The following SND1 variants were observed in gnomAD, a reference collection of about 807,000 sequenced individuals.
The protein encoded by SND1 is staphylococcal nuclease domain-containing protein 1.
Under a neutral mutation model 121.7 loss-of-function variants are expected in SND1, and 38 were observed. The ratio of observed to expected loss-of-function variants is 0.31; its 90% CI spans 0.24 to 0.41. The LOEUF (loss-of-function observed/expected upper bound fraction) is 0.41, where lower values mean the gene tolerates loss of function less well. SND1 is among the 10% of genes least tolerant of loss of function. The pLI, the probability that SND1 is intolerant of heterozygous loss-of-function variation, is 1.00. For missense variants in SND1, 868 were observed against 1,184.6 expected (o/e 0.73, Z 3.92); for synonymous variants, 401 against 447.4 (o/e 0.90, Z 1.31).
At chr7:127,813,471 C>G (rs1159073753) in intron 11 of SND1, among the ~76,000 whole-genome samples, 1 of 152,098 alleles carries the variant, frequency 6.6e-6, no homozygotes, top group Non-Finnish European at 1.5e-5. Context: ...CCTGCAGACT[C>G]TGAAAAGTAC....
intron 15 of SND1, among the ~76,000 whole-genome samples, chr7:127,967,064 T>A (rs1801869261): frequency 6.6e-6 from 1 of 152,172 alleles, no homozygotes; most frequent in Admixed American, 6.5e-5. Context: ...CCAAATCCTG[T>A]AGCACCCTTC....
chr7:127,809,234 A>G (rs1229529263), intron 11 of SND1, among the ~76,000 whole-genome samples: 3 of 152,192 alleles, frequency 2.0e-5, no homozygotes, highest in African/African-American at 7.2e-5. Flanking sequence ...TTGGTGAGAG[A>G]AGCCTCCTTT....
chr7:128,087,079 A>AG (rs760977666), intron 21 of SND1, 28 bp downstream of exon 21: 1 of 1,567,906 alleles, frequency 6.4e-7, no homozygotes. Flanking sequence ...CTCCTTCCAA[A>AG]GGGGACTATC....
chr7:127,652,531 T>A, intron 1 of SND1, 80 bp downstream of exon 1: 2 of 1,187,712 alleles, frequency 1.7e-6, no homozygotes, highest in East Asian at 2.6e-5. Context: ...TCCGCCAGCC[T>A]GCTCCATGTC....
rs769808439 is a variant in SND1 at position 127,888,040 on chromosome 7, G to C, written c.1454+28G>C. On this transcript the variant is annotated intron_variant, in intron 13 of 23. Coordinates refer to ENST00000354725, the MANE Select transcript of SND1 (RefSeq NM_014390.4). ...AAGACCAAACATTACTAAACACATGGGGAACCCACACCCTCACTTTTTTCT... is the reference window on the plus strand; with the variant it reads ...AAGACCAAACATTACTAAACACATGCGGAACCCACACCCTCACTTTTTTCT... 3.3e-6 allele frequency: 5 copies of C among 1,507,044 alleles called. No homozygotes were observed. In the Admixed American group the frequency reaches 6.8e-5, roughly 20 times the overall value. 93.4% of individuals were successfully genotyped at this position (1,507,044 alleles called of 1,614,324 possible).
At chr7:128,041,468 A>G (rs908416993) in intron 16 of SND1, among the ~76,000 whole-genome samples, 12 of 152,126 alleles carry the variant, frequency 7.9e-5, no homozygotes, top group African/African-American at 2.7e-4. Flanking sequence ...TTCAGGAGTT[A>G]GATCTATCAA....
intron 11 of SND1, among the ~76,000 whole-genome samples, chr7:127,818,875 G>C (rs1798495950): frequency 6.6e-6 from 1 of 152,354 alleles, no homozygotes; most frequent in African/African-American, 2.4e-5. Flanking sequence ...GAGGTGACCT[G>C]GTCTTTGATT....
chr7:127,889,198 TGG>T (rs1799964356), intron 13 of SND1, among the ~76,000 whole-genome samples: 2 of 152,054 alleles, frequency 1.3e-5, no homozygotes, highest in Non-Finnish European at 2.9e-5. Flanking sequence ...AGCTCATTAA[TGG>T]TCATTTAAAA....
intron 10 of SND1, among the ~76,000 whole-genome samples, chr7:127,760,764 G>A (rs1797291363): frequency 1.3e-5 from 2 of 151,980 alleles, no homozygotes; most frequent in African/African-American, 4.8e-5. Flanking sequence ...TAGCCCTTTG[G>A]TATTAGCTTT....
chr7:127,716,892 G>A (rs764373848), intron 9 of SND1, among the ~76,000 whole-genome samples: 21 of 152,210 alleles, frequency 1.4e-4, no homozygotes, highest in Admixed American at 3.3e-4. Context: ...CAGTTGGAAA[G>A]GAAGTTCTGG....
intron 16 of SND1, among the ~76,000 whole-genome samples, chr7:128,011,287 G>A (rs1363130590): frequency 6.6e-6 from 1 of 152,224 alleles, no homozygotes; most frequent in East Asian, 1.9e-4. Flanking sequence ...TGAGGGCCCT[G>A]TGAGCTGCCC....
chr7:127,831,543 C>G (rs770827545), intron 11 of SND1, among the ~76,000 whole-genome samples: 46 of 152,160 alleles, frequency 3.0e-4, no homozygotes, highest in Non-Finnish European at 5.9e-4. Flanking sequence ...GCCATGGCAA[C>G]AGTACACCAC....
At chr7:127,791,119 A>C (rs900143847) in intron 10 of SND1, among the ~76,000 whole-genome samples, 1 of 151,326 alleles carries the variant, frequency 6.6e-6, no homozygotes, top group Admixed American at 6.6e-5. Context: ...CAGAGTATTG[A>C]ATGAAATGAG....
rs761750807 is a variant in SND1, at chr7:127,991,065, T to C, written c.1779+9T>C. The C allele has an allele frequency of 1.9e-6, 3 of 1,601,460 alleles. No homozygotes were observed. Among genetic ancestry groups the C allele is most frequent in the Admixed American group, 1.7e-5 (1 of 59,778 alleles). On this transcript the variant is annotated intron_variant, in intron 16 of 23. Coordinates refer to ENST00000354725, the MANE Select transcript of SND1 (RefSeq NM_014390.4). ...TGGTGCTGCAGCGAGAGGTAGGACATCTTCCTGTTGCTTCTTCTGTGAGGA... is the reference window on the plus strand; with the variant it reads ...TGGTGCTGCAGCGAGAGGTAGGACACCTTCCTGTTGCTTCTTCTGTGAGGA...
chr7:127,737,992 T>A (rs1796808367), intron 10 of SND1, among the ~76,000 whole-genome samples: 1 of 152,202 alleles, frequency 6.6e-6, no homozygotes. Flanking sequence ...ATATTCTGGT[T>A]TGATGCCTGG....
intron 9 of SND1, among the ~76,000 whole-genome samples, chr7:127,715,189 C>T (rs1432221342): frequency 1.3e-5 from 2 of 150,588 alleles, no homozygotes; most frequent in Non-Finnish European, 2.9e-5. Context: ...AGTGGCCGCC[C>T]TAATAGGTGT....
At chr7:127,664,079 G>A (rs1022757191) in intron 1 of SND1, among the ~76,000 whole-genome samples, 1 of 152,192 alleles carries the variant, frequency 6.6e-6, no homozygotes, top group Non-Finnish European at 1.5e-5. Context: ...AGGCTGGAGT[G>A]CAGTGGTGCG....
chr7:127,662,890 C>CTT (rs34629378), intron 1 of SND1, among the ~76,000 whole-genome samples: 44 of 122,496 alleles, frequency 3.6e-4, no homozygotes, highest in South Asian at 1.0e-3. Context: ...CCTCTTTTAT[C>CTT]TTTTTTTTTT....
chr7:127,666,125 C>T (rs1039694946), intron 1 of SND1, among the ~76,000 whole-genome samples: 1 of 152,194 alleles, frequency 6.6e-6, no homozygotes, highest in African/African-American at 2.4e-5. Flanking sequence ...TTAGAATCTC[C>T]TGAGACCTCC....
Sources: gnomAD v4.1 joint callset for allele counts (sites outside exome capture counted in the v4.1 genomes callset) on GRCh38, gnomAD v4.1.1 for gene constraint, MANE v1.5 for transcripts, NCBI Gene and HGNC (gene_info 2026-07-23, HGNC 2026-07-21) for gene names.